ZFYVE16: variants seen among roughly 807,000 people sequenced by gnomAD.
ZFYVE16 encodes zinc finger FYVE-type containing 16.
In ZFYVE16, 89 loss-of-function variants were observed where a neutral mutation model predicts 138.1. The observed-to-expected ratio is 0.64, with a 90% CI of 0.54 to 0.77. The LOEUF is 0.77. Ranked by LOEUF, ZFYVE16 falls within the 30% of genes least tolerant of loss-of-function variation. ZFYVE16 has a pLI of 0.00. For missense variants in ZFYVE16, 1,793 were observed against 1,786.7 expected, an observed-to-expected ratio of 1.00 and a Z score of -0.06; for synonymous variants, 596 against 618.3, an observed-to-expected ratio of 0.96 and a Z score of 0.53.
chr5:80,450,893 C>T (rs750398796), intron 10 of ZFYVE16, among the ~76,000 whole-genome samples: 2 of 147,488 alleles, frequency 1.4e-5, no homozygotes, highest in African/African-American at 2.5e-5. Context: ...TTCACTGCAA[C>T]CTCTGCTTCC....
At chr5:80,443,664 G>C in intron 6 of ZFYVE16, 1 of 453,806 alleles carries the variant, frequency 2.2e-6, no homozygotes. Context: ...CTCCAGATTT[G>C]ATGTTAGGAG....
At chr5:80,421,825 C>A (rs950672456) in intron 1 of ZFYVE16, among the ~76,000 whole-genome samples, 1 of 152,104 alleles carries the variant, frequency 6.6e-6, no homozygotes, top group African/African-American at 2.4e-5. Flanking sequence ...TTTTCCAGTT[C>A]TGTGAAGAAA....
rs144572393 is a variant in ZFYVE16, at chr5:80,419,678, AT to A, written c.-93-7812del. Among the ~76,000 whole-genome samples, 995 of 149,714 alleles carry A rather than the reference AT, an allele frequency of 6.6e-3. 10 individuals carry two copies. Among genetic ancestry groups the A allele is most frequent in the African/African-American group, 0.023 (936 of 40,764 alleles). Reference sequence around the variant, plus strand: ...TGGCATGAGCCACTGCGCCTGGCTGATTCTTTCTCTTTTCATATAAACTTCA... The same window carrying A: ...TGGCATGAGCCACTGCGCCTGGCTGATCTTTCTCTTTTCATATAAACTTCA... On this transcript the variant is annotated intron_variant, in intron 1 of 18. Transcript: ENST00000505560.
intron 5 of ZFYVE16, 198 bp from the exon 6 acceptor site, chr5:80,442,925 C>T (rs1035078056): frequency 2.0e-6 from 1 of 507,170 alleles, no homozygotes; most frequent in African/African-American, 2.0e-5. Flanking sequence ...GGTAGCTTAT[C>T]AAAGTGGCAT....
intron 2 of ZFYVE16, among the ~76,000 whole-genome samples, chr5:80,430,111 T>C (rs1368516623): frequency 6.6e-6 from 1 of 152,164 alleles, no homozygotes; most frequent in Non-Finnish European, 1.5e-5. Context: ...TACCGAACTC[T>C]CCACCCCAAA....
rs1009389755 is a variant in ZFYVE16, at chr5:80,480,189, TTTTC to T, written c.*2816_*2819del. Among the ~76,000 whole-genome samples the T allele has an allele frequency of 3.9e-5, 6 of 152,132 alleles. No homozygotes were observed. Among genetic ancestry groups the T allele is most frequent in the African/African-American group, 1.4e-4 (6 of 41,402 alleles). ...CTCACAGATATAGGTATTAGATTTG[TTTTC>T]TTTGTTTAAGGAAATAAGGTGTGTG... On this transcript the variant is annotated 3_prime_UTR_variant, in exon 19 of 19. Transcript: ENST00000505560.
At chr5:80,419,085 CTT>C (rs1370550366) in intron 1 of ZFYVE16, among the ~76,000 whole-genome samples, 2 of 136,282 alleles carry the variant, frequency 1.5e-5, no homozygotes, top group African/African-American at 2.7e-5. Context: ...TTTGGGGGGT[CTT>C]TTTTTTTTTA....
rs144208381 is a variant in ZFYVE16, at chr5:80,425,486, T to A, written c.-93-2006T>A. Among the ~76,000 whole-genome samples, 8 of 152,374 alleles carry A rather than the reference T, an allele frequency of 5.3e-5. No homozygotes were observed. The East Asian group carries it at 1.5e-3, about 29-fold the overall frequency. On this transcript the variant is annotated intron_variant, in intron 1 of 18. Coordinates refer to ENST00000505560, the MANE Select transcript of ZFYVE16 (RefSeq NM_001284236.3). ...TAGGTAGCCAAACAGATGTGTTTAA[T>A]AATGTATATTCTTTTGTTTGTATTT...
chr5:80,438,767 A>T lies in ZFYVE16; in HGVS notation c.2082A>T (p.Thr694=). ...VVPITCAIDS[T]ADPQVSFNSN... Reference sequence around the variant, plus strand: ...CAATCACTTGTGCTATAGATTCTACAGCTGATCCACAGGTTAGCTTCAACT... The same window carrying T: ...CAATCACTTGTGCTATAGATTCTACTGCTGATCCACAGGTTAGCTTCAACT... The change falls in exon 4 of 19, where the codon ACA becomes ACT. Residue 694 remains threonine (T), a synonymous_variant. Coordinates refer to ENST00000505560, the MANE Select transcript of ZFYVE16 (RefSeq NM_001284236.3). 6.2e-7 allele frequency: 1 copy of T among 1,614,156 alleles called. No individual in the cohort carries two copies. The highest frequency in any genetic ancestry group is 8.5e-7 in the Non-Finnish European group (1 of 1,179,986).
intron 5 of ZFYVE16, chr5:80,440,991 C>G: frequency 2.0e-6 from 2 of 985,396 alleles, no homozygotes; most frequent in South Asian, 4.7e-5. Flanking sequence ...GACCTCTGCT[C>G]TGGAAGATAA....
At chr5:80,419,426 C>G (rs1178008192) in intron 1 of ZFYVE16, among the ~76,000 whole-genome samples, 1 of 152,062 alleles carries the variant, frequency 6.6e-6, no homozygotes, top group Non-Finnish European at 1.5e-5. Flanking sequence ...TGTTCTCTTG[C>G]CAATACCAAA....
intron 15 of ZFYVE16, among the ~76,000 whole-genome samples, chr5:80,464,552 T>G (rs1753480783): frequency 6.6e-6 from 1 of 152,172 alleles, no homozygotes; most frequent in Non-Finnish European, 1.5e-5. Flanking sequence ...CACTAAGAAT[T>G]TATCAATTTC....
At chr5:80,428,686 G>T (rs113775381) in intron 2 of ZFYVE16, among the ~76,000 whole-genome samples, 2,464 of 152,304 alleles carry the variant, frequency 0.016, 58 homozygotes, top group African/African-American at 0.054. Context: ...CGAACCCATC[G>T]CAAAGAAGCT....
At chr5:80,422,167 A>T (rs1747303242) in intron 1 of ZFYVE16, among the ~76,000 whole-genome samples, 1 of 152,134 alleles carries the variant, frequency 6.6e-6, no homozygotes, top group African/African-American at 2.4e-5. Context: ...ACTTTGCTGA[A>T]GTTGCTTATC....
chr5:80,430,538 C>A (rs11959211), intron 2 of ZFYVE16, among the ~76,000 whole-genome samples: 119,601 of 151,032 alleles, frequency 0.79, 49,772 homozygotes, highest in Non-Finnish European at 0.91. Context: ...ACTAGAGAAG[C>A]AAGAGCAAAC....
At chr5:80,428,693 A>G (rs1345669976) in intron 2 of ZFYVE16, among the ~76,000 whole-genome samples, 1 of 152,232 alleles carries the variant, frequency 6.6e-6, no homozygotes, top group African/African-American at 2.4e-5. Context: ...ATCGCAAAGA[A>G]GCTAAAAACC....
At chr5:80,442,423 T>C (rs1204321744) in intron 5 of ZFYVE16, among the ~76,000 whole-genome samples, 1 of 152,172 alleles carries the variant, frequency 6.6e-6, no homozygotes, top group African/African-American at 2.4e-5. Flanking sequence ...TGGTATTTTT[T>C]ATAATGTGAT....
intron 15 of ZFYVE16, among the ~76,000 whole-genome samples, chr5:80,465,391 C>CTTTT (rs1561325159): frequency 2.9e-5 from 1 of 33,972 alleles, no homozygotes; most frequent in African/African-American, 5.8e-5. Flanking sequence ...TTTTTTTTTC[C>CTTTT]TTTTCTTTGT....
chr5:80,432,657 G>A (rs890367102), intron 2 of ZFYVE16, among the ~76,000 whole-genome samples: 2 of 152,128 alleles, frequency 1.3e-5, no homozygotes, highest in African/African-American at 4.8e-5. Flanking sequence ...GCAACCTACA[G>A]AATGGGAGAA....
Sources: gnomAD v4.1 joint callset for allele counts (sites outside exome capture counted in the v4.1 genomes callset) on GRCh38, gnomAD v4.1.1 for gene constraint, MANE v1.5 for transcripts, NCBI Gene and HGNC (gene_info 2026-07-23, HGNC 2026-07-21) for gene names.